CDC73: variants seen among roughly 807,000 people sequenced by gnomAD.
The protein encoded by CDC73 is parafibromin.
CDC73 carries 21 observed loss-of-function variants against 83.7 expected under a neutral mutation model. That is an observed-to-expected ratio of 0.25 (90% CI 0.18 to 0.36). CDC73 has a LOEUF of 0.36. Among genes scored for constraint, CDC73 ranks in the 10% least tolerant of loss-of-function variants. The pLI, the probability that CDC73 is intolerant of heterozygous loss-of-function variation, is 1.00. For missense variants in CDC73, 342 were observed against 653.3 expected (o/e 0.52, Z 5.19); for synonymous variants, 224 against 212.9 (o/e 1.05, Z -0.45).
intron 14 of CDC73, among the ~76,000 whole-genome samples, chr1:193,235,476 G>C (rs1677740811): frequency 6.6e-6 from 1 of 152,176 alleles, no homozygotes; most frequent in Non-Finnish European, 1.5e-5. Flanking sequence ...AACCATTATT[G>C]CTGATAATGT....
At chr1:193,142,388 T>C (rs1675921165) in intron 7 of CDC73, among the ~76,000 whole-genome samples, 1 of 152,210 alleles carries the variant, frequency 6.6e-6, no homozygotes, top group Admixed American at 6.5e-5. Flanking sequence ...GGAATAATAT[T>C]GATGGCAAGT....
chr1:193,163,993 G>T (rs146179750), intron 10 of CDC73, among the ~76,000 whole-genome samples: 3,296 of 152,250 alleles, frequency 0.022, 120 homozygotes, highest in African/African-American at 0.076. Context: ...GGCCAGGCTG[G>T]CCTTGAACTC....
chr1:193,223,975 A>G (rs1264474527), intron 13 of CDC73, among the ~76,000 whole-genome samples: 1 of 151,374 alleles, frequency 6.6e-6, no homozygotes, highest in African/African-American at 2.4e-5. Flanking sequence ...GATATATATT[A>G]CCTTAAACAT....
intron 13 of CDC73, among the ~76,000 whole-genome samples, chr1:193,215,574 A>C (rs1163180525): frequency 1.3e-5 from 2 of 152,026 alleles, no homozygotes; most frequent in African/African-American, 2.4e-5. Flanking sequence ...TTTTGGGCAA[A>C]GAATGAAATT....
chr1:193,236,414 G>A, intron 15 of CDC73, 58 bp downstream of exon 15: 1 of 1,085,526 alleles, frequency 9.2e-7, no homozygotes, highest in Middle Eastern at 2.0e-4. Context: ...CTTTATTTAA[G>A]AGAAACAGTC....
chr1:193,188,778 G>A (rs1176217954), intron 10 of CDC73, among the ~76,000 whole-genome samples: 2 of 151,882 alleles, frequency 1.3e-5, no homozygotes, highest in Admixed American at 6.6e-5. Context: ...CTCCAGTATC[G>A]GATTGAGTCC....
rs932081919 is a variant in CDC73 at position 193,122,430 on chromosome 1, G to A, written c.131+99G>A. On this transcript the variant is annotated intron_variant, in intron 1 of 16. Coordinates refer to ENST00000367435, the MANE Select transcript of CDC73 (RefSeq NM_024529.5). ...CCCTCCCCCCGTTTCCCCTGGGGAT[G>A]GGATAAAACGGGTGTTCGGGGAAAA... is the stretch of plus-strand genomic sequence containing the variant. 2.3e-5 allele frequency: 33 copies of A among 1,441,748 alleles called. No individual in the cohort carries two copies. The East Asian group carries it at 5.0e-4, about 22-fold the overall frequency. The allele number at this position is 1,441,748 out of a possible 1,614,324, so 89.3% of individuals were successfully genotyped here.
chr1:193,228,388 T>A (rs2102053819), intron 13 of CDC73, among the ~76,000 whole-genome samples: 1 of 152,292 alleles, frequency 6.6e-6, no homozygotes, highest in East Asian at 1.9e-4. Context: ...ATTGAAACAG[T>A]TATTACGGAG....
chr1:193,177,048 T>C (rs1001275273), intron 10 of CDC73, among the ~76,000 whole-genome samples: 3 of 152,086 alleles, frequency 2.0e-5, no homozygotes, highest in Non-Finnish European at 4.4e-5. Context: ...CTTGTCTTTA[T>C]TGTTCCTAAT....
At chr1:193,162,523 C>G (rs1164591572) in intron 10 of CDC73, among the ~76,000 whole-genome samples, 1 of 151,240 alleles carries the variant, frequency 6.6e-6, no homozygotes, top group Non-Finnish European at 1.5e-5. Flanking sequence ...CAGGCGTGCA[C>G]CACCACGGCC....
chr1:193,181,519 G>A lies in CDC73; in HGVS notation c.973-22276G>A. On this transcript the variant is annotated intron_variant, in intron 10 of 16. Transcript: ENST00000367435. ...GAACAGAGACCTTTTGGCATTCCAG[G>A]TCATCTTTGCAAAGCAGCAGTGTCT... The A allele has an allele frequency of 2.5e-6, 4 of 1,608,990 alleles. No homozygotes were observed. In the South Asian group the frequency reaches 4.4e-5, roughly 18 times the overall value.
intron 11 of CDC73, among the ~76,000 whole-genome samples, chr1:193,206,327 A>T (rs1677188412): frequency 6.6e-6 from 1 of 152,194 alleles, no homozygotes; most frequent in South Asian, 2.1e-4. Flanking sequence ...TCTAATGCTC[A>T]TCCATGTGAA....
chr1:193,173,703 A>G (rs2103151752), intron 10 of CDC73, among the ~76,000 whole-genome samples: 1 of 152,300 alleles, frequency 6.6e-6, no homozygotes, highest in Middle Eastern at 3.4e-3. Context: ...AAATCCTGTG[A>G]ATCCTCTTTC....
At chr1:193,174,499 C>T (rs969380655) in intron 10 of CDC73, among the ~76,000 whole-genome samples, 1 of 152,042 alleles carries the variant, frequency 6.6e-6, no homozygotes, top group Non-Finnish European at 1.5e-5. Context: ...CTATGTTATA[C>T]ATTATATTTT....
intron 10 of CDC73, among the ~76,000 whole-genome samples, chr1:193,195,335 T>A (rs1024617705): frequency 6.6e-6 from 1 of 152,186 alleles, no homozygotes; most frequent in Non-Finnish European, 1.5e-5. Flanking sequence ...GTATTACAAT[T>A]CCATTCCTTT....
chr1:193,242,179 A>T (rs1572221395), intron 15 of CDC73, among the ~76,000 whole-genome samples: 1 of 151,316 alleles, frequency 6.6e-6, no homozygotes, highest in South Asian at 2.1e-4. Flanking sequence ...CCAGGGTAGG[A>T]TGCAGTCTGG....
At chr1:193,151,787 G>T (rs1276479078) in intron 9 of CDC73, among the ~76,000 whole-genome samples, 1 of 152,072 alleles carries the variant, frequency 6.6e-6, no homozygotes, top group Non-Finnish European at 1.5e-5. Context: ...ACCTGGGTGT[G>T]GTGGTGCATG....
rs531663808 is a variant in CDC73 at position 193,193,376 on chromosome 1, A to G, written c.973-10419A>G. ...ATAATTGGAAATAAGTGGTATTTAA[A>G]TTTTGTCTTTCATATATAAACTCTT... On this transcript the variant is annotated intron_variant, in intron 10 of 16. Transcript: ENST00000367435. Among the ~76,000 whole-genome samples the G allele has an allele frequency of 1.4e-4, 21 of 152,262 alleles. 1 individual carries two copies. The South Asian group carries it at 4.3e-3, about 32-fold the overall frequency.
intron 15 of CDC73, among the ~76,000 whole-genome samples, chr1:193,244,113 C>A (rs929324592): frequency 6.6e-6 from 1 of 152,044 alleles, no homozygotes; most frequent in African/African-American, 2.4e-5. Flanking sequence ...ACAAAAGCTC[C>A]CTTGATAATA....
Sources: gnomAD v4.1 joint callset for allele counts (sites outside exome capture counted in the v4.1 genomes callset) on GRCh38, gnomAD v4.1.1 for gene constraint, MANE v1.5 for transcripts, NCBI Gene and HGNC (gene_info 2026-07-23, HGNC 2026-07-21) for gene names.